LRRIQ3: variants seen among roughly 807,000 people sequenced by gnomAD.
LRRIQ3 encodes leucine-rich repeat and IQ domain-containing protein 3.
In LRRIQ3, 75 loss-of-function variants were observed where a neutral mutation model predicts 59.3. The ratio of observed to expected loss-of-function variants is 1.26; its 90% CI spans 1.05 to 1.53. LRRIQ3 has a LOEUF of 1.53. Among genes scored for constraint, LRRIQ3 ranks in the 40% most tolerant of loss-of-function variants. LRRIQ3 has a pLI of 0.00. For missense variants in LRRIQ3, 831 were observed against 710.0 expected (o/e 1.17, Z -1.94); for synonymous variants, 250 against 231.3 (o/e 1.08, Z -0.73).
intron 4 of LRRIQ3, chr1:74,144,670 G>A (rs1244684465): frequency 5.5e-6 from 1 of 182,738 alleles, no homozygotes; most frequent in African/African-American, 2.4e-5. Context: ...AAATATGTAG[G>A]CGCTGGAGTG....
intron 4 of LRRIQ3, among the ~76,000 whole-genome samples, chr1:74,155,029 C>G (rs1648237252): frequency 6.6e-6 from 1 of 152,180 alleles, no homozygotes; most frequent in African/African-American, 2.4e-5. Context: ...AATGTTGAAT[C>G]TCATTTCAGT....
intron 4 of LRRIQ3, among the ~76,000 whole-genome samples, chr1:74,122,920 A>C (rs1646880696): frequency 6.6e-6 from 1 of 152,152 alleles, no homozygotes; most frequent in South Asian, 2.1e-4. Context: ...AAAATTTTGC[A>C]ATCTACTCAT....
At chr1:74,136,492 G>C (rs1215124777) in intron 4 of LRRIQ3, among the ~76,000 whole-genome samples, 1 of 151,728 alleles carries the variant, frequency 6.6e-6, no homozygotes, top group Non-Finnish European at 1.5e-5. Flanking sequence ...GCAGCTTAAC[G>C]GCAATTTCAA....
At chr1:74,085,558 T>C (rs977914235) in intron 5 of LRRIQ3, among the ~76,000 whole-genome samples, 2 of 151,944 alleles carry the variant, frequency 1.3e-5, no homozygotes, top group Non-Finnish European at 2.9e-5. Flanking sequence ...GACTATGTTA[T>C]TTTATTTACC....
At chr1:74,052,866 C>T (rs1654408884) in intron 6 of LRRIQ3, among the ~76,000 whole-genome samples, 2 of 152,002 alleles carry the variant, frequency 1.3e-5, no homozygotes, top group South Asian at 4.1e-4. Context: ...GATCTTAAGT[C>T]TTCAATTAAT....
At chr1:74,184,048 G>T (rs924576165) in intron 1 of LRRIQ3, among the ~76,000 whole-genome samples, 1 of 151,980 alleles carries the variant, frequency 6.6e-6, no homozygotes, top group African/African-American at 2.4e-5. Flanking sequence ...TAACTCGTAT[G>T]ATAATTTTTG....
chr1:74,041,430 TTC>T lies in LRRIQ3; in HGVS notation c.1499_1500del (p.Arg500LysfsTer23), dbSNP rs1458999547. ...GATTTTTCTTTTAGAAACAGAGCTT[TTC>T]TCTCTCTAGCTTTTTCAAGGTAGTT... Reference protein sequence around the residue: ...RFNYLEKARERKALFLKEKSQ... With the variant: ...RFNYLEKAREXKALFLKEKSQ... On this transcript the variant is annotated frameshift_variant, in exon 7 of 8. Transcript: ENST00000354431. LOFTEE classifies it high-confidence loss of function. 6.2e-7 allele frequency: 1 copy of T among 1,613,752 alleles called. No homozygotes were observed. The highest frequency in any genetic ancestry group is 8.5e-7 in the Non-Finnish European group (1 of 1,179,856).
intron 7 of LRRIQ3, among the ~76,000 whole-genome samples, chr1:74,029,897 A>G (rs928299949): frequency 2.0e-5 from 3 of 151,952 alleles, no homozygotes; most frequent in African/African-American, 7.2e-5. Context: ...GTCTATTAAG[A>G]GATTCAACTT....
chr1:74,094,479 G>A (rs1646428343), intron 5 of LRRIQ3, among the ~76,000 whole-genome samples: 2 of 152,008 alleles, frequency 1.3e-5, no homozygotes, highest in Non-Finnish European at 2.9e-5. Context: ...AATATAGGCA[G>A]CTTCCAGAAA....
At chr1:74,195,657 A>G (rs936345560) in intron 1 of LRRIQ3, among the ~76,000 whole-genome samples, 11 of 152,194 alleles carry the variant, frequency 7.2e-5, no homozygotes, top group Non-Finnish European at 4.4e-5. Context: ...ATAATTTTTC[A>G]ATTTATTATA....
chr1:74,180,066 T>C (rs1649886028), intron 3 of LRRIQ3: 1 of 151,912 alleles, frequency 6.6e-6, no homozygotes, highest in Non-Finnish European at 1.5e-5. Context: ...GTCCAAAATA[T>C]TCTCAGTAAA....
chr1:74,128,616 T>G (rs1336657740), intron 4 of LRRIQ3, among the ~76,000 whole-genome samples: 1 of 152,046 alleles, frequency 6.6e-6, no homozygotes, highest in Non-Finnish European at 1.5e-5. Flanking sequence ...TTTAGGTTGT[T>G]TGGTGAGGTC....
At chr1:74,138,159 C>A (rs1397438502) in intron 4 of LRRIQ3, among the ~76,000 whole-genome samples, 6 of 51,626 alleles carry the variant, frequency 1.2e-4, no homozygotes, top group African/African-American at 1.3e-4. Context: ...AAAAAACAAA[C>A]AAACAAAAAA....
intron 7 of LRRIQ3, among the ~76,000 whole-genome samples, chr1:74,036,700 A>G (rs1444409658): frequency 6.6e-6 from 1 of 152,208 alleles, no homozygotes; most frequent in Non-Finnish European, 1.5e-5. Context: ...TTCTTGGGCC[A>G]AATGATCTTT....
At chr1:74,163,249 A>G (rs2100683705) in intron 3 of LRRIQ3, among the ~76,000 whole-genome samples, 1 of 151,618 alleles carries the variant, frequency 6.6e-6, no homozygotes, top group Middle Eastern at 3.4e-3. Flanking sequence ...TTACCTTTTT[A>G]TTTATTCTTT....
At chr1:74,167,097 G>A (rs1347206330) in intron 3 of LRRIQ3, among the ~76,000 whole-genome samples, 1 of 151,816 alleles carries the variant, frequency 6.6e-6, no homozygotes, top group African/African-American at 2.4e-5. Context: ...TCCCACTCCT[G>A]GTTATCTATC....
intron 1 of LRRIQ3, among the ~76,000 whole-genome samples, chr1:74,194,126 A>G (rs1294081289): frequency 1.3e-5 from 2 of 152,144 alleles, no homozygotes; most frequent in Non-Finnish European, 2.9e-5. Flanking sequence ...CAGAACTTTG[A>G]GAGGCCAAGG....
At chr1:74,075,608 C>G (rs1314156739) in intron 5 of LRRIQ3, among the ~76,000 whole-genome samples, 1 of 151,804 alleles carries the variant, frequency 6.6e-6, no homozygotes, top group African/African-American at 2.4e-5. Context: ...AATGGATCAG[C>G]TATGTGTGGG....
intron 6 of LRRIQ3, among the ~76,000 whole-genome samples, chr1:74,071,011 C>T (rs951822633): frequency 7.4e-6 from 1 of 134,868 alleles, no homozygotes; most frequent in African/African-American, 2.7e-5. Context: ...CTTGTCTTTG[C>T]TATATATACA....
Sources: gnomAD v4.1 joint callset for allele counts (sites outside exome capture counted in the v4.1 genomes callset) on GRCh38, gnomAD v4.1.1 for gene constraint, MANE v1.5 for transcripts, NCBI Gene and HGNC (gene_info 2026-07-23, HGNC 2026-07-21) for gene names.